Variants in CFAP299 observed in about 807,000 individuals in gnomAD.
The protein encoded by CFAP299 is cilia and flagella associated protein 299.
A neutral mutation model predicts 27.0 loss-of-function variants in CFAP299; 21 were observed. The ratio of observed to expected loss-of-function variants is 0.78; its 90% CI spans 0.55 to 1.12. The LOEUF is 1.12. Among genes scored for constraint, CFAP299 ranks in the 50% most tolerant of loss-of-function variants. The pLI is 0.00. For missense variants in CFAP299, 310 were observed against 276.6 expected (o/e 1.12, Z -0.86); for synonymous variants, 104 against 98.1 (o/e 1.06, Z -0.36).
At chr4:80,599,352 A>G (rs1737213410) in intron 3 of CFAP299, among the ~76,000 whole-genome samples, 1 of 152,156 alleles carries the variant, frequency 6.6e-6, no homozygotes, top group Non-Finnish European at 1.5e-5. Context: ...CGTTGTTGCA[A>G]GGTGCTTTTC....
chr4:80,821,921 CA>C (rs1162829718), intron 3 of CFAP299, among the ~76,000 whole-genome samples: 1 of 151,958 alleles, frequency 6.6e-6, no homozygotes, highest in African/African-American at 2.4e-5. Flanking sequence ...CACTCACAGA[CA>C]CGCCTGAAAG....
chr4:80,345,337 C>A (rs1722673155), intron 1 of CFAP299, among the ~76,000 whole-genome samples: 1 of 151,990 alleles, frequency 6.6e-6, no homozygotes, highest in Admixed American at 6.5e-5. Context: ...AGGTTTGTTA[C>A]ATATGTATAT....
intron 4 of CFAP299, among the ~76,000 whole-genome samples, chr4:80,941,438 TA>T (rs1388196887): frequency 6.6e-6 from 1 of 152,188 alleles, no homozygotes; most frequent in East Asian, 1.9e-4. Flanking sequence ...CTAACTGGAA[TA>T]TACTGCATAC....
intron 3 of CFAP299, among the ~76,000 whole-genome samples, chr4:80,689,740 A>G (rs1352104414): frequency 6.6e-6 from 1 of 152,232 alleles, no homozygotes; most frequent in Non-Finnish European, 1.5e-5. Context: ...TAAAAGACAT[A>G]GACTGGCAAA....
At chr4:80,908,059 A>G (rs1275920048) in intron 4 of CFAP299, among the ~76,000 whole-genome samples, 1 of 152,244 alleles carries the variant, frequency 6.6e-6, no homozygotes, top group Non-Finnish European at 1.5e-5. Flanking sequence ...ACCTGAGATT[A>G]ACAAGCAAGT....
At chr4:80,439,546 C>A (rs1160977942) in intron 2 of CFAP299, among the ~76,000 whole-genome samples, 1 of 152,190 alleles carries the variant, frequency 6.6e-6, no homozygotes, top group Non-Finnish European at 1.5e-5. Flanking sequence ...GTTTTCCCAG[C>A]CTGCAGAGCA....
intron 4 of CFAP299, among the ~76,000 whole-genome samples, chr4:80,944,374 GA>G (rs1036351808): frequency 1.3e-5 from 2 of 151,908 alleles, no homozygotes; most frequent in African/African-American, 4.8e-5. Flanking sequence ...TATTATTGAG[GA>G]AAAAAAGCGG....
intron 3 of CFAP299, among the ~76,000 whole-genome samples, chr4:80,615,589 G>A (rs1738229348): frequency 1.3e-5 from 2 of 151,460 alleles, no homozygotes; most frequent in Admixed American, 1.3e-4. Context: ...CTGGAGTTCA[G>A]TGGCATGATC....
intron 2 of CFAP299, among the ~76,000 whole-genome samples, chr4:80,441,116 C>T (rs1227796166): frequency 6.6e-6 from 1 of 152,116 alleles, no homozygotes; most frequent in Admixed American, 6.6e-5. Flanking sequence ...GAATGGAACC[C>T]AGTTGGAAAA....
intron 5 of CFAP299, among the ~76,000 whole-genome samples, chr4:80,955,343 TTC>T (rs1325550333): frequency 6.6e-6 from 1 of 152,208 alleles, no homozygotes; most frequent in African/African-American, 2.4e-5. Context: ...CACCTCTGTC[TTC>T]TCATCTGTAA....
At chr4:80,592,198 A>G (rs762638926) in intron 3 of CFAP299, among the ~76,000 whole-genome samples, 1 of 152,222 alleles carries the variant, frequency 6.6e-6, no homozygotes, top group African/African-American at 2.4e-5. Flanking sequence ...AGTGATGTAC[A>G]TAAGGGTTTT....
intron 2 of CFAP299, among the ~76,000 whole-genome samples, chr4:80,561,322 G>A (rs1400469449): frequency 1.3e-5 from 2 of 152,094 alleles, no homozygotes; most frequent in African/African-American, 4.8e-5. Context: ...TTAGATATCT[G>A]AAAAGACTTC....
At chr4:80,677,438 T>G (rs996571016) in intron 3 of CFAP299, among the ~76,000 whole-genome samples, 2 of 152,116 alleles carry the variant, frequency 1.3e-5, no homozygotes, top group African/African-American at 4.8e-5. Flanking sequence ...GATTGCTATG[T>G]ATTTTTGTGG....
intron 3 of CFAP299, among the ~76,000 whole-genome samples, chr4:80,736,504 A>T (rs1723884957): frequency 6.6e-6 from 1 of 152,170 alleles, no homozygotes; most frequent in South Asian, 2.1e-4. Context: ...TGGGCGAAGG[A>T]CATGAACAGA....
At chr4:80,833,344 C>T (rs1369665680) in intron 3 of CFAP299, among the ~76,000 whole-genome samples, 1 of 151,996 alleles carries the variant, frequency 6.6e-6, no homozygotes, top group Non-Finnish European at 1.5e-5. Context: ...ACCGAGAGCT[C>T]GTGAGGCCCA....
intron 2 of CFAP299, among the ~76,000 whole-genome samples, chr4:80,404,250 A>T (rs980445276): frequency 6.6e-5 from 10 of 152,000 alleles, no homozygotes; most frequent in Non-Finnish European, 1.3e-4. Context: ...ACACACACAC[A>T]ATATAATTCC....
chr4:80,429,535 A>G (rs1299316045), intron 2 of CFAP299, among the ~76,000 whole-genome samples: 1 of 152,100 alleles, frequency 6.6e-6, no homozygotes, highest in Non-Finnish European at 1.5e-5. Flanking sequence ...CTGAAATTTT[A>G]TGTCATTTTT....
At chr4:80,791,140 C>T (rs1727542899) in intron 3 of CFAP299, among the ~76,000 whole-genome samples, 12 of 151,934 alleles carry the variant, frequency 7.9e-5, no homozygotes, top group Admixed American at 7.9e-4. Context: ...GGTGAATGCT[C>T]TGATCGCAGA....
intron 2 of CFAP299, among the ~76,000 whole-genome samples, chr4:80,477,173 C>G (rs1237150680): frequency 3.3e-5 from 5 of 152,078 alleles, no homozygotes; most frequent in Admixed American, 3.3e-4. Context: ...AGCGATTCTC[C>G]CACCTCAGTC....
Sources: gnomAD v4.1 joint callset for allele counts (sites outside exome capture counted in the v4.1 genomes callset) on GRCh38, gnomAD v4.1.1 for gene constraint, MANE v1.5 for transcripts, NCBI Gene and HGNC (gene_info 2026-07-23, HGNC 2026-07-21) for gene names.